Variants in SMARCA2 observed in about 807,000 individuals in gnomAD.
SMARCA2 encodes SWI/SNF-related matrix-associated actin-dependent regulator of chromatin subfamily A member 2.
Under a neutral mutation model 199.8 loss-of-function variants are expected in SMARCA2, and 61 were observed. The ratio of observed to expected loss-of-function variants is 0.31; its 90% confidence interval spans 0.25 to 0.38. The LOEUF (loss-of-function observed/expected upper bound fraction) is 0.38, where lower values mean the gene tolerates loss of function less well. SMARCA2 is among the 10% of genes least tolerant of loss of function. The probability of loss-of-function intolerance (pLI) is 1.00; values close to 1 mark genes in which losing one functional copy is unlikely to be tolerated. For missense variants in SMARCA2, 1,344 were observed against 2,012.2 expected, an observed-to-expected ratio of 0.67 and a Z score of 6.35; for synonymous variants, 935 against 732.0, an observed-to-expected ratio of 1.28 and a Z score of -4.48.
rs1822680217 is a variant in SMARCA2, at chr9:2,104,833, A to G, written c.3292+664A>G. 6.6e-6 allele frequency among the ~76,000 whole-genome samples: 1 copy of G among 152,222 alleles called. No individual in the cohort carries two copies. ...TTATTTTACGATTTGGATATCAGCC[A>G]TAATATATTAGAGGTTGAAAGTATC... On this transcript the variant is annotated intron_variant, in intron 23 of 33. Coordinates refer to ENST00000349721, the MANE Select transcript of SMARCA2 (RefSeq NM_003070.5). This position sits in a 1 kb window ranked among gnomAD's most constrained non-coding sequence, Gnocchi z 4.0.
At position 2,161,678 on chromosome 9, in the gene SMARCA2, A is replaced by T; in HGVS notation, c.3982-8A>T. On this transcript the variant is annotated splice_region_variant and splice_polypyrimidine_tract_variant and intron_variant, in intron 27 of 33. Transcript: ENST00000349721. This position sits in a 1 kb window ranked among gnomAD's most constrained non-coding sequence, Gnocchi z 4.7. ...CTTGAATTTGTCTCCTTTGTTTCCA[A>T]CGAACAGGCCATCGAAGACGGCAAT... is the stretch of plus-strand genomic sequence containing the variant. 2 of 1,606,134 alleles carry T rather than the reference A, an allele frequency of 1.2e-6. No individual in the cohort carries two copies.
intron 1 of SMARCA2, among the ~76,000 whole-genome samples, chr9:2,020,740 T>G (rs1057376104): frequency 6.6e-6 from 1 of 152,186 alleles, no homozygotes; most frequent in Admixed American, 6.5e-5. Flanking sequence ...GTTATAAATA[T>G]ATCGTCAAAG....
At chr9:2,015,928 T>G (rs1162489876) in intron 1 of SMARCA2, 1 of 152,262 alleles carries the variant, frequency 6.6e-6, no homozygotes, top group African/African-American at 2.4e-5. Flanking sequence ...GAAACGCTAC[T>G]GTTCATCCCG....
intron 21 of SMARCA2, among the ~76,000 whole-genome samples, chr9:2,099,625 G>T (rs1181717769): frequency 2.0e-5 from 3 of 152,072 alleles, no homozygotes; most frequent in Non-Finnish European, 4.4e-5. Flanking sequence ...ACTCTGATTT[G>T]CAATTTTTTT....
chr9:2,018,008 T>A (rs1190676532), intron 1 of SMARCA2: 1 of 152,228 alleles, frequency 6.6e-6, no homozygotes, highest in Non-Finnish European at 1.5e-5. Context: ...CGCTGTTGCT[T>A]GTCAGTTCTT....
At chr9:2,191,052 C>T (rs991993811) in intron 32 of SMARCA2, among the ~76,000 whole-genome samples, 2 of 152,128 alleles carry the variant, frequency 1.3e-5, no homozygotes, top group African/African-American at 2.4e-5. Flanking sequence ...GCCTGTTTAG[C>T]GTGACTACAT....
At chr9:2,078,977 G>C (rs1291041467) in intron 14 of SMARCA2, among the ~76,000 whole-genome samples, 1 of 151,902 alleles carries the variant, frequency 6.6e-6, no homozygotes, top group African/African-American at 2.4e-5. Context: ...AATAAAAATA[G>C]ATAAATAAAA....
intron 19 of SMARCA2, among the ~76,000 whole-genome samples, chr9:2,092,070 A>C (rs369765908): frequency 1.1e-4 from 17 of 152,212 alleles, no homozygotes; most frequent in African/African-American, 3.4e-4. Flanking sequence ...AAGAATGCCA[A>C]ATAGAAAAGG....
intron 29 of SMARCA2, 131 bp from the exon 30 acceptor site, chr9:2,181,440 G>C (rs972099391): frequency 1.6e-6 from 1 of 618,256 alleles, no homozygotes; most frequent in Non-Finnish European, 2.9e-6. Flanking sequence ...GATTTTTCCT[G>C]ACTTAAAAAG....
Position 2,058,471 on chromosome 9 carries a change from A to G in SMARCA2, c.1521+7A>G, listed in dbSNP as rs1200088656. 1.9e-6 allele frequency: 3 copies of G among 1,613,168 alleles called. No individual in the cohort carries two copies. Among genetic ancestry groups the G allele is most frequent in the Middle Eastern group, 1.7e-4 (1 of 5,860 alleles). On this transcript the variant is annotated splice_region_variant and intron_variant, in intron 8 of 33. Transcript: ENST00000349721. ...GAGAATGCGGCGACTGATGGTAAGGAACTCCCTGCAGGAGCCCAGGAAACT... is the reference window on the plus strand; with the variant it reads ...GAGAATGCGGCGACTGATGGTAAGGGACTCCCTGCAGGAGCCCAGGAAACT...
chr9:2,056,712 C>T lies in SMARCA2; in HGVS notation c.1214C>T (p.Thr405Ile), dbSNP rs768424662. The change falls in exon 7 of 34, where the codon ACC becomes ATC. Residue 405 changes from threonine to isoleucine, a missense_variant. This residue lies in a region of SMARCA2 where 155 missense variants were observed against 260.0 expected (regional missense o/e 0.60). Coordinates refer to ENST00000349721, the MANE Select transcript of SMARCA2 (RefSeq NM_003070.5). The surrounding 1 kb of genome is among the most constrained non-coding windows in gnomAD (Gnocchi z 4.0). ...GTGGCCTGCATGCGCAGGGACACGA[C>T]CCTGGAGACGGCTCTCAACTCCAAA... ...EVVACMRRDT[T>I]LETALNSKAY... The T allele has an allele frequency of 1.2e-6, 2 of 1,614,028 alleles. No individual in the cohort carries two copies. The highest frequency in any genetic ancestry group is 1.7e-6 in the Non-Finnish European group (2 of 1,180,030).
At chr9:2,020,791 C>G (rs1818568315) in intron 1 of SMARCA2, among the ~76,000 whole-genome samples, 1 of 152,000 alleles carries the variant, frequency 6.6e-6, no homozygotes, top group Non-Finnish European at 1.5e-5. Context: ...TACAATAGAG[C>G]CAATGAAATT....
chr9:2,083,977 CTG>C lies in SMARCA2; in HGVS notation c.2416-106_2416-105del, dbSNP rs939071463. 255 of 642,322 alleles carry C rather than the reference CTG, an allele frequency of 4.0e-4. 1 individual carries two copies. The African/African-American group carries it at 4.2e-3, about 11-fold the overall frequency. 39.8% of individuals were successfully genotyped at this position (642,322 alleles called of 1,614,324 possible). A position where few individuals can be genotyped will look rare whatever the true frequency, so the allele number is the denominator to read the frequency against. On this transcript the variant is annotated intron_variant, in intron 16 of 33. Coordinates refer to ENST00000349721, the MANE Select transcript of SMARCA2 (RefSeq NM_003070.5). The stretch of plus-strand genomic sequence containing the variant: ...TAGATCAGTCTATGAGAATGTGTGT[CTG>C]TGCATTCTTCAGTCACATGTCTGGG...
intron 27 of SMARCA2, among the ~76,000 whole-genome samples, chr9:2,138,182 AAC>A (rs1044034621): frequency 1.6e-5 from 2 of 123,422 alleles, no homozygotes; most frequent in African/African-American, 9.8e-5. Context: ...CAACAACAAC[AAC>A]AAAAAAAAAA....
intron 27 of SMARCA2, among the ~76,000 whole-genome samples, chr9:2,130,215 C>T (rs1377992729): frequency 6.6e-6 from 1 of 152,182 alleles, no homozygotes; most frequent in East Asian, 1.9e-4. Flanking sequence ...ACTTCTCTTC[C>T]TCTTGACTCC....
intron 27 of SMARCA2, among the ~76,000 whole-genome samples, chr9:2,146,180 C>A (rs934025669): frequency 3.9e-5 from 6 of 152,132 alleles, no homozygotes; most frequent in African/African-American, 1.4e-4. Context: ...TAGACAGTGC[C>A]TTTTTGCTGT....
At chr9:2,188,281 T>A (rs1827632735) in intron 32 of SMARCA2, among the ~76,000 whole-genome samples, 1 of 152,192 alleles carries the variant, frequency 6.6e-6, no homozygotes, top group South Asian at 2.1e-4. Context: ...CCAATAATGC[T>A]GTCCTGAGCA....
rs569024923 is a variant in SMARCA2 at position 2,182,330 on chromosome 9, G to C, written c.4461+88G>C. 32 of 790,688 alleles carry C rather than the reference G, an allele frequency of 4.0e-5. No individual in the cohort carries two copies. The African/African-American group carries it at 5.4e-4, about 13-fold the overall frequency. 49.0% of individuals were successfully genotyped at this position (790,688 alleles called of 1,614,324 possible). On this transcript the variant is annotated intron_variant, in intron 31 of 33. Transcript: ENST00000349721. Reference sequence around the variant, plus strand: ...TAGAATATTTCATTTTCTACCTCTTGAATCATTGCTACTGGCAGAAGAAAA... The same window carrying C: ...TAGAATATTTCATTTTCTACCTCTTCAATCATTGCTACTGGCAGAAGAAAA...
chr9:2,142,582 C>A lies in SMARCA2; in HGVS notation c.3981+18645C>A, dbSNP rs114731530. Among the ~76,000 whole-genome samples, 1,517 of 152,218 alleles carry A rather than the reference C, an allele frequency of 1.0e-2. 29 individuals are homozygous for A. The highest frequency in any genetic ancestry group is 0.034 in the African/African-American group (1,429 of 41,528). Reference sequence around the variant, plus strand: ...CAGGAGGTCAGTCCAAACCAATGGCCTCCTATAAATGTTATTTAATAGCCT... The same window carrying A: ...CAGGAGGTCAGTCCAAACCAATGGCATCCTATAAATGTTATTTAATAGCCT... On this transcript the variant is annotated intron_variant, in intron 27 of 33. Transcript: ENST00000349721.
Sources: allele counts gnomAD v4.1 joint callset (sites outside exome capture counted in the v4.1 genomes callset), GRCh38; gene constraint gnomAD v4.1.1; regional missense constraint gnomAD v4.1.1; non-coding constraint Gnocchi (gnomAD v3.1); transcripts MANE v1.5; gene names NCBI Gene and HGNC (gene_info 2026-07-23, HGNC 2026-07-21).